Variants in SLC8A1 observed in about 807,000 individuals in gnomAD.
SLC8A1 encodes the protein solute carrier family 8 member A1.
A neutral mutation model predicts 68.3 loss-of-function variants in SLC8A1; 18 were observed. That is an observed-to-expected ratio of 0.26 (90% CI 0.18 to 0.39). The LOEUF (loss-of-function observed/expected upper bound fraction) is 0.39, where lower values mean the gene tolerates loss of function less well. Ranked by LOEUF, SLC8A1 falls within the 10% of genes least tolerant of loss-of-function variation. The pLI, the probability that SLC8A1 is intolerant of heterozygous loss-of-function variation, is 1.00. For synonymous variants in SLC8A1, 475 were observed against 415.5 expected (o/e 1.14, Z -1.74); for missense variants, 985 against 1,156.7 (o/e 0.85, Z 2.15).
chr2:40,163,694 T>TC (rs2046068055), intron 5 of SLC8A1, among the ~76,000 whole-genome samples: 1 of 152,052 alleles, frequency 6.6e-6, no homozygotes, highest in Non-Finnish European at 1.5e-5. Flanking sequence ...CCGGACCCCC[T>TC]CCTCCTATGG....
intron 2 of SLC8A1, among the ~76,000 whole-genome samples, chr2:40,238,829 G>A (rs2060810000): frequency 6.6e-6 from 1 of 151,806 alleles, no homozygotes; most frequent in Non-Finnish European, 1.5e-5. Context: ...ATTATATATA[G>A]AAGCCATTTT....
chr2:40,290,374 A>G (rs1250018998), intron 2 of SLC8A1, among the ~76,000 whole-genome samples: 1 of 152,098 alleles, frequency 6.6e-6, no homozygotes, highest in Non-Finnish European at 1.5e-5. Context: ...AAGTTCGGAG[A>G]TAGCATTAGA....
At chr2:40,212,306 A>G (rs1461328154) in intron 2 of SLC8A1, among the ~76,000 whole-genome samples, 8 of 17,082 alleles carry the variant, frequency 4.7e-4, no homozygotes, top group African/African-American at 1.2e-3. Flanking sequence ...TTTTTTCCTG[A>G]GACAAGTCTC....
intron 1 of SLC8A1, among the ~76,000 whole-genome samples, chr2:40,432,709 T>C (rs570564865): frequency 4.6e-5 from 7 of 151,806 alleles, no homozygotes; most frequent in African/African-American, 1.7e-4. Context: ...CCATAAGGCA[T>C]GGGCTTTGAT....
chr2:40,194,469 A>ATG (rs543194094), intron 2 of SLC8A1, among the ~76,000 whole-genome samples: 17,964 of 137,250 alleles, frequency 0.13, 1,049 homozygotes, highest in Non-Finnish European at 0.14. Context: ...TCAGTAAGCA[A>ATG]TGTGTGTGTG....
exon 8 of SLC8A1, chr2:40,115,411 C>T: frequency 6.2e-7 from 1 of 1,614,166 alleles, no homozygotes; most frequent in Non-Finnish European, 8.5e-7. Flanking sequence ...AGCACCCCCA[C>T]ATTGATGAAA....
chr2:40,410,829 C>T (rs1691895090), intron 2 of SLC8A1, among the ~76,000 whole-genome samples: 1 of 151,952 alleles, frequency 6.6e-6, no homozygotes, highest in East Asian at 1.9e-4. Flanking sequence ...GTGATACTTA[C>T]CATAGCACTT....
intron 2 of SLC8A1, among the ~76,000 whole-genome samples, chr2:40,422,767 A>G (rs1054641773): frequency 1.3e-5 from 2 of 152,294 alleles, no homozygotes; most frequent in East Asian, 3.9e-4. Flanking sequence ...TTTTACTACA[A>G]ATCTGTTAAA....
chr2:40,493,322 A>C (rs112997784), intron 1 of SLC8A1, among the ~76,000 whole-genome samples: 3,755 of 115,936 alleles, frequency 0.032, 79 homozygotes, highest in Non-Finnish European at 0.048. Context: ...AGGAAGGGGA[A>C]CATCACTCTC....
intron 2 of SLC8A1, among the ~76,000 whole-genome samples, chr2:40,228,344 TATAG>T (rs1376812561): frequency 2.6e-5 from 4 of 152,200 alleles, no homozygotes; most frequent in South Asian, 2.1e-4. Context: ...CTTAAAGCAG[TATAG>T]ATAGATTTAG....
intron 2 of SLC8A1, among the ~76,000 whole-genome samples, chr2:40,248,802 T>C (rs1574674681): frequency 6.6e-6 from 1 of 152,170 alleles, no homozygotes; most frequent in African/African-American, 2.4e-5. Flanking sequence ...TGGCTGTTGA[T>C]AGCCAAGATC....
intron 2 of SLC8A1, among the ~76,000 whole-genome samples, chr2:40,277,792 G>GTATATATATATATA (rs750119043): frequency 2.2e-5 from 2 of 92,178 alleles, no homozygotes; most frequent in African/African-American, 9.5e-5. Flanking sequence ...ATATATATGT[G>GTATATATATATATA]TGTATATATA....
intron 7 of SLC8A1, among the ~76,000 whole-genome samples, chr2:40,131,971 G>T (rs1053077496): frequency 1.0e-4 from 15 of 143,230 alleles, no homozygotes; most frequent in African/African-American, 3.1e-4. Context: ...TACAGGTATA[G>T]AACTGGATCT....
chr2:40,153,418 A>G (rs1374151062), intron 6 of SLC8A1, among the ~76,000 whole-genome samples: 2 of 152,196 alleles, frequency 1.3e-5, no homozygotes, highest in Non-Finnish European at 2.9e-5. Flanking sequence ...TCCAACAAAT[A>G]AAGAATTTAA....
intron 2 of SLC8A1, among the ~76,000 whole-genome samples, chr2:40,398,862 T>A (rs1687821178): frequency 6.6e-6 from 1 of 152,182 alleles, no homozygotes; most frequent in Non-Finnish European, 1.5e-5. Context: ...ACACTTCCCT[T>A]GGCCTAGGAA....
chr2:40,344,029 G>C (rs375761582), intron 2 of SLC8A1, among the ~76,000 whole-genome samples: 163 of 152,262 alleles, frequency 1.1e-3, no homozygotes, highest in African/African-American at 3.8e-3. Context: ...GAGTGTGTAC[G>C]ATGGCAATAT....
intron 1 of SLC8A1, among the ~76,000 whole-genome samples, chr2:40,440,426 C>A (rs561130507): frequency 1.3e-5 from 2 of 152,046 alleles, no homozygotes; most frequent in Non-Finnish European, 2.9e-5. Context: ...GAAGCCTTTG[C>A]TAATGCAACA....
At chr2:40,415,865 C>T (rs1693681546) in intron 2 of SLC8A1, among the ~76,000 whole-genome samples, 1 of 58,484 alleles carries the variant, frequency 1.7e-5, no homozygotes, top group Non-Finnish European at 2.9e-5. Flanking sequence ...AGTATACACA[C>T]ACACACACAC....
rs369007063 is a variant in SLC8A1, at chr2:40,301,871, AT to A, written c.1809-124017del. Reference sequence around the variant, plus strand: ...CAAGCAGTATATATACTGAACCCCAATTTTTTTTTGAGATGGAGTCTTGCTC... The same window carrying A: ...CAAGCAGTATATATACTGAACCCCAATTTTTTTTGAGATGGAGTCTTGCTC... On this transcript the variant is annotated intron_variant, in intron 2 of 7. Transcript: ENST00000406785. 3.4e-3 allele frequency among the ~76,000 whole-genome samples: 515 copies of A among 151,222 alleles called. 8 individuals carry two copies. Among genetic ancestry groups the A allele is most frequent in the East Asian group, 3.5e-3 (18 of 5,130 alleles).
Sources: allele counts gnomAD v4.1 joint callset (sites outside exome capture counted in the v4.1 genomes callset), GRCh38; gene constraint gnomAD v4.1.1; transcripts MANE v1.5; gene names NCBI Gene and HGNC (gene_info 2026-07-23, HGNC 2026-07-21).